The following MROH1 variants were observed in gnomAD, a reference collection of about 807,000 sequenced individuals.
MROH1 encodes the protein maestro heat-like repeat-containing protein family member 1.
In MROH1, 117 loss-of-function variants were observed where a neutral mutation model predicts 116.5. The ratio of observed to expected loss-of-function variants is 1.00; its 90% CI spans 0.86 to 1.17. The LOEUF (loss-of-function observed/expected upper bound fraction) is 1.17, where lower values mean the gene tolerates loss of function less well. MROH1 is among the 50% of genes most tolerant of loss of function. The pLI, the probability that MROH1 is intolerant of heterozygous loss-of-function variation, is 0.00. For synonymous variants in MROH1, 921 were observed against 583.9 expected, an observed-to-expected ratio of 1.58 and a Z score of -8.32; for missense variants, 1,873 against 1,338.5, an observed-to-expected ratio of 1.40 and a Z score of -6.23.
chr8:144,190,828 C>G lies in MROH1; in HGVS notation c.607C>G (p.Leu203Val). The G allele has an allele frequency of 6.2e-7, 1 of 1,613,792 alleles. No homozygotes were observed. Among genetic ancestry groups the G allele is most frequent in the Non-Finnish European group, 8.5e-7 (1 of 1,179,874 alleles). The change falls in exon 8 of 44, where the codon CTG becomes GTG. Residue 203 changes from leucine (L) to valine (V), a missense_variant. Physicochemically the swap from Leu to Val is conservative, Grantham distance 32 (BLOSUM62 1). Coordinates refer to ENST00000326134, the MANE Select transcript of MROH1 (RefSeq NM_032450.3). ...GGGTGCCCTGGAGTACCTAGCCAAC[C>G]TGGACCGAGCCCCAGACCCCACGGT... ...SEGALEYLAN[L>V]DRAPDPTVRK... is the part of the protein sequence containing the mutation.
intron 12 of MROH1, among the ~76,000 whole-genome samples, chr8:144,206,331 C>T (rs917244119): frequency 2.6e-5 from 4 of 152,146 alleles, no homozygotes; most frequent in Non-Finnish European, 5.9e-5. Flanking sequence ...GCTGTCAGTG[C>T]ACTCTTCTTT....
chr8:144,191,814 G>A lies in MROH1; in HGVS notation c.814G>A (p.Ala272Thr), dbSNP rs189264844. The A allele has an allele frequency of 3.4e-4, 551 of 1,613,372 alleles. 1 individual carries two copies. Among genetic ancestry groups the A allele is most frequent in the Non-Finnish European group, 4.4e-4 (519 of 1,179,808 alleles). Residue 272 changes from alanine to threonine, a missense_variant, in exon 9 of 44, where the codon GCC becomes ACC. Transcript: ENST00000326134. The stretch of plus-strand genomic sequence containing the variant: ...GCCCAAGCTCCTCCCTGGGATTCTC[G>A]CCCTCTACAAGAAGCACGCAGAGAC... ...QLPKLLPGIL[A>T]LYKKHAETFY...
chr8:144,225,047 T>C (rs1165256548), intron 14 of MROH1, among the ~76,000 whole-genome samples: 1 of 152,356 alleles, frequency 6.6e-6, no homozygotes, highest in South Asian at 2.1e-4. Flanking sequence ...TTTGGTTTTT[T>C]AATTTTTTAG....
intron 12 of MROH1, among the ~76,000 whole-genome samples, chr8:144,219,552 A>G (rs967791457): frequency 6.6e-6 from 1 of 152,166 alleles, no homozygotes; most frequent in Admixed American, 6.6e-5. Flanking sequence ...GGTATGTCTC[A>G]TGGTTAGATC....
chr8:144,168,198 A>C, intron 3 of MROH1, 97 bp from the exon 4 acceptor site: 1 of 1,351,316 alleles, frequency 7.4e-7, no homozygotes. Context: ...TGTGATCCTC[A>C]GAGGCTGCAG....
In MROH1 at chr8:144,261,183, G is replaced by A. The variant is rs1309751112; in HGVS notation, c.4741G>A (p.Glu1581Lys). The A allele has an allele frequency of 1.3e-5, 10 of 767,742 alleles. No homozygotes were observed. The highest frequency in any genetic ancestry group is 1.0e-4 in the African/African-American group (6 of 59,054). The allele number at this position is 767,742 out of a possible 1,614,324, so 47.6% of individuals were successfully genotyped here. The stretch of plus-strand genomic sequence containing the variant: ...CCTGTTCTACTTCAAGAGCAGCTGG[G>A]AGAACGTCCGAGCTGCTGCACCCCT... ...TCLFYFKSSW[E>K]NVRAAAPLFT... Residue 1581 changes from glutamate (E) to lysine (K), a missense_variant, in exon 42 of 44, where the codon GAG becomes AAG. Transcript: ENST00000326134.
At chr8:144,251,373 C>T (rs1783034493) in intron 33 of MROH1, 1 of 152,232 alleles carries the variant, frequency 6.6e-6, no homozygotes. Flanking sequence ...AGTTTAAATC[C>T]ACTGTCATAT....
intron 4 of MROH1, among the ~76,000 whole-genome samples, chr8:144,168,706 G>A (rs766428691): frequency 2.0e-5 from 3 of 152,192 alleles, no homozygotes; most frequent in African/African-American, 7.2e-5. Context: ...TACTCACTAA[G>A]TGGAGGCCTA....
chr8:144,210,682 C>T (rs1833907485), intron 12 of MROH1, among the ~76,000 whole-genome samples: 1 of 32,226 alleles, frequency 3.1e-5, no homozygotes, highest in Non-Finnish European at 2.7e-4. Context: ...GATGGAGACT[C>T]TGTCTCTCTC....
Position 144,261,176 on chromosome 8 carries a change from C to T in MROH1, c.4734C>T (p.Ser1578=), listed in dbSNP as rs1284007524. 2 of 769,722 alleles carry T rather than the reference C, an allele frequency of 2.6e-6. No individual in the cohort carries two copies. Among genetic ancestry groups the T allele is most frequent in the African/African-American group, 1.7e-5 (1 of 59,082 alleles). The allele number at this position is 769,722 out of a possible 1,614,324, so 47.7% of individuals were successfully genotyped here. ...CCACCTGCCTGTTCTACTTCAAGAG[C>T]AGCTGGGAGAACGTCCGAGCTGCTG... ...LLTTCLFYFK[S]SWENVRAAAP... Residue 1578 remains serine, a synonymous_variant, in exon 42 of 44, where the codon AGC becomes AGT. Transcript: ENST00000326134.
intron 12 of MROH1, among the ~76,000 whole-genome samples, chr8:144,212,580 C>CTT (rs59225464): frequency 2.1e-5 from 1 of 47,200 alleles, no homozygotes; most frequent in African/African-American, 8.7e-5. Context: ...TCTTCTGTTA[C>CTT]TTTTTTTTTT....
intron 10 of MROH1, among the ~76,000 whole-genome samples, chr8:144,196,421 A>G (rs895885394): frequency 1.1e-4 from 16 of 151,460 alleles, no homozygotes; most frequent in African/African-American, 3.9e-4. Context: ...CAGTGGTGCG[A>G]TCTTGACTCA....
intron 14 of MROH1, among the ~76,000 whole-genome samples, chr8:144,233,365 T>C (rs1839323228): frequency 9.1e-5 from 10 of 110,302 alleles, no homozygotes; most frequent in Non-Finnish European, 1.7e-4. Context: ...CAACCTTCCC[T>C]CCCCCGCAGC....
chr8:144,260,359 G>C lies in MROH1; in HGVS notation c.4365G>C (p.Arg1455=). 1 of 723,100 alleles carries C rather than the reference G, an allele frequency of 1.4e-6. No individual in the cohort carries two copies. The highest frequency in any genetic ancestry group is 2.5e-6 in the Non-Finnish European group (1 of 394,940). The allele number at this position is 723,100 out of a possible 1,614,324, so 44.8% of individuals were successfully genotyped here. A position where few individuals can be genotyped will look rare whatever the true frequency, so the allele number is the denominator to read the frequency against. The part of the protein sequence containing the change: ...SGLLHVAIRI[R]PFFDSEKMEF... ...TGCTGCACGTGGCCATCCGCATCCG[G>C]CCTTTCTTCGACAGTGTAGGCTGGT... Residue 1455 remains arginine (R), a synonymous_variant, in exon 39 of 44, where the codon CGG becomes CGC. Coordinates refer to ENST00000326134, the MANE Select transcript of MROH1 (RefSeq NM_032450.3).
At chr8:144,190,707 G>A (rs1034912591) in intron 7 of MROH1, 77 bp from the exon 8 acceptor site, 1 of 1,550,460 alleles carries the variant, frequency 6.4e-7, no homozygotes, top group Non-Finnish European at 8.8e-7. Context: ...TCTGGAAGGG[G>A]CAGGAGGCAG....
intron 12 of MROH1, among the ~76,000 whole-genome samples, chr8:144,212,307 A>G (rs1834299811): frequency 6.6e-6 from 1 of 151,924 alleles, no homozygotes; most frequent in African/African-American, 2.4e-5. Flanking sequence ...CTGGTCCTGG[A>G]TTCCTGGGCT....
chr8:144,170,778 C>T (rs954779481), intron 4 of MROH1, among the ~76,000 whole-genome samples: 1 of 152,156 alleles, frequency 6.6e-6, no homozygotes, highest in African/African-American at 2.4e-5. Context: ...CCTGTGCCAC[C>T]AAGGGGTGCT....
intron 12 of MROH1, among the ~76,000 whole-genome samples, chr8:144,207,663 G>A (rs1356471012): frequency 6.6e-6 from 1 of 152,038 alleles, no homozygotes; most frequent in Non-Finnish European, 1.5e-5. Context: ...GCACTACCAT[G>A]CCCAGCTGTT....
chr8:144,231,828 C>T (rs1156459155), intron 14 of MROH1, among the ~76,000 whole-genome samples: 1 of 152,234 alleles, frequency 6.6e-6, no homozygotes, highest in East Asian at 1.9e-4. Flanking sequence ...AATGCAGCCC[C>T]TGTGACGTAC....
Sources: allele counts gnomAD v4.1 joint callset (sites outside exome capture counted in the v4.1 genomes callset), GRCh38; gene constraint gnomAD v4.1.1; transcripts MANE v1.5; gene names NCBI Gene and HGNC (gene_info 2026-07-23, HGNC 2026-07-21).